The following GEMIN7 variants were observed in gnomAD, a reference collection of about 807,000 sequenced individuals.
GEMIN7 encodes the protein gem nuclear organelle associated protein 7.
GEMIN7 carries 7 observed loss-of-function variants against 7.8 expected under a neutral mutation model. The observed-to-expected ratio is 0.90, with a 90% CI of 0.51 to 1.69. The LOEUF is 1.69. Among genes scored for constraint, GEMIN7 ranks in the 40% most tolerant of loss-of-function variants. The probability of loss-of-function intolerance (pLI) is 0.00; values close to 1 mark genes in which losing one functional copy is unlikely to be tolerated. For synonymous variants in GEMIN7, 68 were observed against 72.4 expected (o/e 0.94, Z 0.31); for missense variants, 159 against 176.2 (o/e 0.90, Z 0.55).
intron 2 of GEMIN7, among the ~76,000 whole-genome samples, chr19:45,081,200 C>A (rs1286288842): frequency 6.6e-6 from 1 of 152,164 alleles, no homozygotes; most frequent in Non-Finnish European, 1.5e-5. Flanking sequence ...GGCACGGTGG[C>A]TCATGCCTGT....
intron 2 of GEMIN7, among the ~76,000 whole-genome samples, chr19:45,083,661 G>A (rs1967579529): frequency 7.3e-6 from 1 of 137,386 alleles, no homozygotes; most frequent in African/African-American, 2.8e-5. Context: ...GTGCAGTGGT[G>A]CAATCACATC....
In GEMIN7 at chr19:45,090,710, A is replaced by G; in HGVS notation, c.*200A>G. The G allele has an allele frequency of 3.4e-6, 2 of 588,842 alleles. No individual in the cohort carries two copies. Among genetic ancestry groups the G allele is most frequent in the Non-Finnish European group, 6.2e-6 (2 of 322,310 alleles). 36.5% of individuals were successfully genotyped at this position (588,842 alleles called of 1,614,324 possible). On this transcript the variant is annotated 3_prime_UTR_variant, in exon 3 of 3. Coordinates refer to ENST00000270257, the MANE Select transcript of GEMIN7 (RefSeq NM_024707.3). Reference sequence around the variant, plus strand: ...GCAACTCTAGGAATTCTAAGATCCCATTGGAAGGAATGCTCTACCTCACAG... The same window carrying G: ...GCAACTCTAGGAATTCTAAGATCCCGTTGGAAGGAATGCTCTACCTCACAG...
chr19:45,089,511 G>A (rs902223928), intron 2 of GEMIN7, among the ~76,000 whole-genome samples: 15 of 152,142 alleles, frequency 9.9e-5, no homozygotes, highest in African/African-American at 3.4e-4. Flanking sequence ...GATGGATTGG[G>A]TGGGTTGTGT....
At chr19:45,081,291 T>C (rs1967495657) in intron 2 of GEMIN7, among the ~76,000 whole-genome samples, 1 of 152,072 alleles carries the variant, frequency 6.6e-6, no homozygotes, top group Non-Finnish European at 1.5e-5. Flanking sequence ...ACCGCGTCTC[T>C]ACTAAAAATA....
chr19:45,081,140 T>G (rs1967490769), intron 2 of GEMIN7, among the ~76,000 whole-genome samples: 1 of 152,040 alleles, frequency 6.6e-6, no homozygotes, highest in Non-Finnish European at 1.5e-5. Context: ...CACCTCAAAG[T>G]AAATAAATAA....
At chr19:45,077,352 C>T (rs1003256883), upstream of GEMIN7, among the ~76,000 whole-genome samples, 12 of 152,212 alleles carry the variant, frequency 7.9e-5, no homozygotes, top group African/African-American at 2.9e-4. Flanking sequence ...AGCCAAGCAG[C>T]TCACCTGCCT....
chr19:45,086,760 T>G (rs1262869101), intron 2 of GEMIN7, among the ~76,000 whole-genome samples: 2 of 152,206 alleles, frequency 1.3e-5, no homozygotes, highest in East Asian at 3.8e-4. Context: ...GGGCTATTTT[T>G]CCATACAATG....
chr19:45,091,136 G>A lies in GEMIN7; in HGVS notation c.*626G>A, dbSNP rs1438347077. On this transcript the variant is annotated 3_prime_UTR_variant, in exon 3 of 3. Coordinates refer to ENST00000270257, the MANE Select transcript of GEMIN7 (RefSeq NM_024707.3). ...GGAGATTAGGATTTGATTTCATTTTGGGGCGGGCGGTGGCTCGTGCTGGGT... is the reference window on the plus strand; with the variant it reads ...GGAGATTAGGATTTGATTTCATTTTAGGGCGGGCGGTGGCTCGTGCTGGGT... The A allele has an allele frequency of 6.0e-6, 1 of 167,482 alleles. No homozygotes were observed. The highest frequency in any genetic ancestry group is 1.5e-5 in the Non-Finnish European group (1 of 68,526). 10.4% of individuals were successfully genotyped at this position (167,482 alleles called of 1,614,324 possible).
chr19:45,079,102 C>CCGCG (rs1306909092), upstream of GEMIN7: 1 of 152,250 alleles, frequency 6.6e-6, no homozygotes, highest in Non-Finnish European at 1.5e-5. Flanking sequence ...CCCCGCAAAG[C>CCGCG]CGCGGGCCAG....
upstream of GEMIN7, among the ~76,000 whole-genome samples, chr19:45,077,705 C>A (rs1967383058): frequency 6.6e-6 from 1 of 152,136 alleles, no homozygotes; most frequent in South Asian, 2.1e-4. Context: ...AGTAGCCCCA[C>A]CCTGCTGAAG....
In GEMIN7 at chr19:45,079,673, G is replaced by A. The variant is rs541423110; in HGVS notation, c.-131-234G>A. Among the ~76,000 whole-genome samples the A allele has an allele frequency of 5.3e-5, 8 of 152,344 alleles. No homozygotes were observed. The South Asian group carries it at 1.5e-3, about 28-fold the overall frequency. On this transcript the variant is annotated intron_variant, in intron 1 of 2. Coordinates refer to ENST00000270257, the MANE Select transcript of GEMIN7 (RefSeq NM_024707.3). ...GGCGGTGTGGGGAGTGGACGCCTGG[G>A]GGCCGGGAGGACCTACTTAGTATAA...
chr19:45,076,197 C>A, upstream of GEMIN7: 1 of 1,504,948 alleles, frequency 6.6e-7, no homozygotes. The surrounding 1 kb of genome is among the most constrained non-coding windows in gnomAD (Gnocchi z 4.9). Flanking sequence ...CGAACCGCCC[C>A]GCCGAGGACA....
chr19:45,089,729 G>A (rs1315152999), intron 2 of GEMIN7, among the ~76,000 whole-genome samples: 4 of 152,040 alleles, frequency 2.6e-5, no homozygotes, highest in Non-Finnish European at 5.9e-5. Flanking sequence ...TATTGCCCAG[G>A]CTGGTCTCAA....
chr19:45,084,398 T>C (rs1009129505), intron 2 of GEMIN7, among the ~76,000 whole-genome samples: 2 of 151,452 alleles, frequency 1.3e-5, no homozygotes, highest in African/African-American at 4.8e-5. Flanking sequence ...ATTAAAAATT[T>C]TATTTATTTA....
At chr19:45,076,079 G>T (rs1318926157), upstream of GEMIN7, 3 of 1,583,038 alleles carry the variant, frequency 1.9e-6, no homozygotes, top group African/African-American at 2.7e-5. The surrounding 1 kb of genome is among the most constrained non-coding windows in gnomAD (Gnocchi z 4.9). Flanking sequence ...TGCTCACCGG[G>T]ATAGTTCGGG....
chr19:45,076,707 CTG>C (rs1156617107), upstream of GEMIN7: 2 of 240,942 alleles, frequency 8.3e-6, no homozygotes, highest in Non-Finnish European at 1.6e-5. The surrounding 1 kb of genome is among the most constrained non-coding windows in gnomAD (Gnocchi z 4.9). Flanking sequence ...GCGGGTGAAA[CTG>C]AGACACGGCA....
chr19:45,090,127 G>A lies in GEMIN7; in HGVS notation c.13G>A (p.Val5Met), dbSNP rs1404477705. 9 of 1,611,592 alleles carry A rather than the reference G, an allele frequency of 5.6e-6. No individual in the cohort carries two copies. The highest frequency in any genetic ancestry group is 7.6e-6 in the Non-Finnish European group (9 of 1,178,312). The change falls in exon 3 of 3, where the codon GTG becomes ATG. Residue 5 changes from valine (V) to methionine (M), a missense_variant. Physicochemically the swap from Val to Met is conservative, Grantham distance 21. Coordinates refer to ENST00000270257, the MANE Select transcript of GEMIN7 (RefSeq NM_024707.3). Reference sequence around the variant, plus strand: ...AACAGCCAAGACAATGCAAACTCCAGTGAACATTCCCGTGCCTGTGCTCCG... The same window carrying A: ...AACAGCCAAGACAATGCAAACTCCAATGAACATTCCCGTGCCTGTGCTCCG... MQTP[V>M]NIPVPVLRLP...
At chr19:45,087,071 T>C (rs1654852745) in intron 2 of GEMIN7, among the ~76,000 whole-genome samples, 1 of 152,092 alleles carries the variant, frequency 6.6e-6, no homozygotes, top group Non-Finnish European at 1.5e-5. Context: ...GGTCTTGAAC[T>C]CTTGATCTCG....
At chr19:45,076,145 C>T, upstream of GEMIN7, 1 of 1,547,900 alleles carries the variant, frequency 6.5e-7, no homozygotes. This position sits in a 1 kb window ranked among gnomAD's most constrained non-coding sequence, Gnocchi z 4.9. Flanking sequence ...AGGAGGGCGG[C>T]CCCGGCGGGC....
Sources: allele counts gnomAD v4.1 joint callset (sites outside exome capture counted in the v4.1 genomes callset), GRCh38; gene constraint gnomAD v4.1.1; non-coding constraint Gnocchi (gnomAD v3.1); transcripts MANE v1.5; gene names NCBI Gene and HGNC (gene_info 2026-07-23, HGNC 2026-07-21).